Variants in ARHGEF28 observed in about 807,000 individuals in gnomAD.
ARHGEF28 encodes the protein 190 kDa guanine nucleotide exchange factor.
A neutral mutation model predicts 206.6 loss-of-function variants in ARHGEF28; 152 were observed. The ratio of observed to expected loss-of-function variants is 0.74; its 90% CI spans 0.64 to 0.84. The LOEUF (loss-of-function observed/expected upper bound fraction) is 0.84. Ranked by LOEUF, ARHGEF28 falls within the 40% of genes least tolerant of loss-of-function variation. The pLI is 0.00. For synonymous variants in ARHGEF28, 763 were observed against 776.4 expected (o/e 0.98, Z 0.29); for missense variants, 2,028 against 2,073.2 (o/e 0.98, Z 0.42).
At chr5:73,663,452 T>G (rs1324124566) in intron 1 of ARHGEF28, among the ~76,000 whole-genome samples, 4 of 152,198 alleles carry the variant, frequency 2.6e-5, no homozygotes, top group Admixed American at 6.5e-5. Context: ...AAGACCAACA[T>G]AAAGCAAAAG....
intron 2 of ARHGEF28, among the ~76,000 whole-genome samples, chr5:73,734,005 C>T (rs574146666): frequency 9.2e-5 from 14 of 152,076 alleles, no homozygotes; most frequent in African/African-American, 3.1e-4. Context: ...TGCAAGAACT[C>T]GCTATCACAA....
chr5:73,743,082 C>G (rs1350285043), intron 2 of ARHGEF28, among the ~76,000 whole-genome samples: 2 of 151,944 alleles, frequency 1.3e-5, no homozygotes, highest in Non-Finnish European at 2.9e-5. Context: ...CTCGCTATTC[C>G]TCATTCTTTC....
rs1355693631 is a variant in ARHGEF28 at position 73,848,850 on chromosome 5, A to T, written c.1636-126A>T. The T allele has an allele frequency of 1.8e-5, 12 of 684,722 alleles. No homozygotes were observed. The East Asian group carries it at 3.3e-4, about 19-fold the overall frequency. The allele number at this position is 684,722 out of a possible 1,614,324, so 42.4% of individuals were successfully genotyped here. On this transcript the variant is annotated intron_variant, in intron 12 of 35. Coordinates refer to ENST00000513042, the MANE Select transcript of ARHGEF28 (RefSeq NM_001177693.2). ...GAGGAAAACAGAAACACATAATGAG[A>T]TCATATCAGAAATGTTCAGGTTGAA...
At chr5:73,797,404 T>C (rs1235227443) in intron 9 of ARHGEF28, among the ~76,000 whole-genome samples, 2 of 152,298 alleles carry the variant, frequency 1.3e-5, no homozygotes, top group East Asian at 3.9e-4. Flanking sequence ...TGTTATCTGT[T>C]ATTTTTTATT....
intron 2 of ARHGEF28, among the ~76,000 whole-genome samples, chr5:73,735,258 T>G (rs1421147318): frequency 6.6e-6 from 1 of 151,590 alleles, no homozygotes; most frequent in Non-Finnish European, 1.5e-5. Flanking sequence ...TAAATTAAAT[T>G]AAAATTTATT....
At position 73,813,747 on chromosome 5, in the gene ARHGEF28, G is replaced by A. The variant is rs1755995922; in HGVS notation, c.1024+18356G>A. Reference sequence around the variant, plus strand: ...TATTCTTTCTTTTCCGTGTTTCTTTGCCAGACTGTTTTTCCAATGTAGCGC... The same window carrying A: ...TATTCTTTCTTTTCCGTGTTTCTTTACCAGACTGTTTTTCCAATGTAGCGC... On this transcript the variant is annotated intron_variant, in intron 9 of 35. Transcript: ENST00000513042. 1.0e-5 allele frequency: 15 copies of A among 1,470,724 alleles called. No individual in the cohort carries two copies. In the South Asian group the frequency reaches 1.5e-4, roughly 14 times the overall value. 91.1% of individuals were successfully genotyped at this position (1,470,724 alleles called of 1,614,324 possible).
At chr5:73,843,232 AG>A (rs943854192) in intron 11 of ARHGEF28, among the ~76,000 whole-genome samples, 16 of 152,208 alleles carry the variant, frequency 1.1e-4, no homozygotes, top group African/African-American at 3.9e-4. Flanking sequence ...AATATAATTT[AG>A]ACAAAATATC....
At chr5:73,753,796 G>A (rs16870777) in intron 4 of ARHGEF28, among the ~76,000 whole-genome samples, 4,737 of 152,278 alleles carry the variant, frequency 0.031, 257 homozygotes, top group African/African-American at 0.11. Context: ...TACTAGACAT[G>A]AGGCTAAACT....
At chr5:73,666,448 G>T (rs1745960925) in intron 1 of ARHGEF28, among the ~76,000 whole-genome samples, 1 of 152,182 alleles carries the variant, frequency 6.6e-6, no homozygotes, top group Non-Finnish European at 1.5e-5. Flanking sequence ...CCCTAGTGGA[G>T]GCTCTCTTTG....
At chr5:73,668,228 C>T (rs1454289371) in intron 1 of ARHGEF28, among the ~76,000 whole-genome samples, 3 of 152,106 alleles carry the variant, frequency 2.0e-5, no homozygotes, top group Admixed American at 6.5e-5. Context: ...ATGGTCAGTC[C>T]CCATTCTCAG....
At chr5:73,896,403 G>C (rs1449382563) in intron 29 of ARHGEF28, among the ~76,000 whole-genome samples, 1 of 151,522 alleles carries the variant, frequency 6.6e-6, no homozygotes, top group Admixed American at 6.6e-5. Context: ...ATCATTGTAG[G>C]CTGTGTTTAA....
At chr5:73,636,975 C>T (rs1362267326) in intron 1 of ARHGEF28, among the ~76,000 whole-genome samples, 15 of 152,130 alleles carry the variant, frequency 9.9e-5, no homozygotes, top group Non-Finnish European at 2.9e-5. Context: ...TTCAGTGTTG[C>T]ATCTTTATGG....
At chr5:73,745,818 A>C (rs1040062683) in intron 2 of ARHGEF28, among the ~76,000 whole-genome samples, 8 of 152,082 alleles carry the variant, frequency 5.3e-5, no homozygotes, top group African/African-American at 1.9e-4. Context: ...GGAAACTAAA[A>C]ATTTTGACCT....
chr5:73,755,686 A>G (rs1401726698), intron 4 of ARHGEF28, among the ~76,000 whole-genome samples: 1 of 152,204 alleles, frequency 6.6e-6, no homozygotes, highest in Non-Finnish European at 1.5e-5. Context: ...ACAGTTTTCC[A>G]TGCTGGGCAT....
At chr5:73,937,123 T>C (rs1764464084) in intron 35 of ARHGEF28, among the ~76,000 whole-genome samples, 1 of 152,226 alleles carries the variant, frequency 6.6e-6, no homozygotes, top group Non-Finnish European at 1.5e-5. Flanking sequence ...TTAGGAAACT[T>C]TCTCTGGATA....
chr5:73,666,870 C>T (rs1400826984), intron 1 of ARHGEF28, among the ~76,000 whole-genome samples: 1 of 152,176 alleles, frequency 6.6e-6, no homozygotes, highest in Non-Finnish European at 1.5e-5. Flanking sequence ...CATGAGCATG[C>T]ACAGTTGAGC....
chr5:73,725,212 A>G (rs375251801), intron 2 of ARHGEF28, among the ~76,000 whole-genome samples: 27 of 152,358 alleles, frequency 1.8e-4, no homozygotes, highest in African/African-American at 6.0e-4. Flanking sequence ...TAAGAAGTAC[A>G]TTTAATGATA....
At chr5:73,870,031 A>G in intron 20 of ARHGEF28, 38 bp from the exon 21 acceptor site, 1 of 1,600,984 alleles carries the variant, frequency 6.2e-7, no homozygotes, top group Non-Finnish European at 8.5e-7. Context: ...GTGCTGCATT[A>G]TTGTACTTCT....
In ARHGEF28 at chr5:73,676,925, T is replaced by A. The variant is rs560679448; in HGVS notation, c.-11-7916T>A. Among the ~76,000 whole-genome samples the A allele has an allele frequency of 1.1e-4, 17 of 152,372 alleles. No homozygotes were observed. The South Asian group carries it at 3.3e-3, about 30-fold the overall frequency. On this transcript the variant is annotated intron_variant, in intron 1 of 35. Transcript: ENST00000513042. ...ATTCTCATCGAACGATAGCTTCATA[T>A]ATAATTTCAGCAGTTCTCATGATAC...
Sources: allele counts gnomAD v4.1 joint callset (sites outside exome capture counted in the v4.1 genomes callset), GRCh38; gene constraint gnomAD v4.1.1; transcripts MANE v1.5; gene names NCBI Gene and HGNC (gene_info 2026-07-23, HGNC 2026-07-21).